RORB: variants seen among roughly 807,000 people sequenced by gnomAD.
RORB encodes nuclear receptor ROR-beta.
RORB carries 6 observed loss-of-function variants against 59.1 expected under a neutral mutation model. The ratio of observed to expected loss-of-function variants is 0.10; its 90% CI spans 0.06 to 0.20. The LOEUF (loss-of-function observed/expected upper bound fraction) is 0.20, where lower values mean the gene tolerates loss of function less well. Among genes scored for constraint, RORB ranks in the 10% least tolerant of loss-of-function variants. The probability of loss-of-function intolerance (pLI) is 1.00; values close to 1 mark genes in which losing one functional copy is unlikely to be tolerated. For missense variants in RORB, 320 were observed against 560.5 expected (o/e 0.57, Z 4.33); for synonymous variants, 215 against 204.5 (o/e 1.05, Z -0.44).
chr9:74,658,088 G>T, intron 4 of RORB, among the ~76,000 whole-genome samples: 1 of 151,760 alleles, frequency 6.6e-6, no homozygotes, highest in Middle Eastern at 3.4e-3. Context: ...CCTGATATAG[G>T]GTACCTTCTC....
At chr9:74,537,561 C>T (rs1385908726) in intron 1 of RORB, among the ~76,000 whole-genome samples, 1 of 151,942 alleles carries the variant, frequency 6.6e-6, no homozygotes, top group Admixed American at 6.6e-5. Context: ...TTTATTCATT[C>T]TGCTTCAAAA....
At chr9:74,648,962 G>C (rs1024275492) in intron 4 of RORB, among the ~76,000 whole-genome samples, 2 of 151,174 alleles carry the variant, frequency 1.3e-5, no homozygotes, top group African/African-American at 4.9e-5. Context: ...ATAAAATGAA[G>C]ATAGGTTCTT....
chr9:74,652,102 T>C (rs1824002271), intron 4 of RORB, among the ~76,000 whole-genome samples: 2 of 152,206 alleles, frequency 1.3e-5, no homozygotes, highest in Non-Finnish European at 2.9e-5. Flanking sequence ...CTTTACTCCC[T>C]GCTTTCTTAC....
intron 1 of RORB, among the ~76,000 whole-genome samples, chr9:74,513,348 A>G (rs1213391319): frequency 2.6e-5 from 4 of 152,056 alleles, no homozygotes; most frequent in Non-Finnish European, 2.9e-5. Context: ...TTTTCTTTTA[A>G]TATTTATTCT....
chr9:74,517,974 A>T (rs1826031809), intron 1 of RORB, among the ~76,000 whole-genome samples: 1 of 152,032 alleles, frequency 6.6e-6, no homozygotes, highest in South Asian at 2.1e-4. Flanking sequence ...AAAATGAAGC[A>T]CAGAGAGGTT....
intron 1 of RORB, among the ~76,000 whole-genome samples, chr9:74,618,889 T>C (rs1823360171): frequency 6.6e-6 from 1 of 152,198 alleles, no homozygotes; most frequent in South Asian, 2.1e-4. Flanking sequence ...TCCTTGGTCT[T>C]TTCAAGTATT....
At chr9:74,521,141 T>C (rs1280045934) in intron 1 of RORB, among the ~76,000 whole-genome samples, 4 of 151,948 alleles carry the variant, frequency 2.6e-5, no homozygotes, top group African/African-American at 9.7e-5. Flanking sequence ...GAAACTTTTG[T>C]TTTTATTCTG....
At chr9:74,565,128 T>C (rs964324965) in intron 1 of RORB, among the ~76,000 whole-genome samples, 1 of 152,208 alleles carries the variant, frequency 6.6e-6, no homozygotes, top group Non-Finnish European at 1.5e-5. Flanking sequence ...GTTCCTATTA[T>C]GTGTTACTTG....
intron 1 of RORB, among the ~76,000 whole-genome samples, chr9:74,512,809 A>G (rs1489632301): frequency 6.6e-6 from 1 of 152,018 alleles, no homozygotes; most frequent in East Asian, 1.9e-4. Flanking sequence ...CTCCCCCTTT[A>G]CAATAATCTC....
chr9:74,671,672 C>A, intron 8 of RORB, 117 bp from the exon 9 acceptor site: 1 of 550,428 alleles, frequency 1.8e-6, no homozygotes, highest in Non-Finnish European at 3.3e-6. Flanking sequence ...GACATGTCTT[C>A]AGAAGCAACT....
At chr9:74,585,413 C>T (rs911972627) in intron 1 of RORB, among the ~76,000 whole-genome samples, 3 of 152,200 alleles carry the variant, frequency 2.0e-5, no homozygotes, top group Non-Finnish European at 4.4e-5. Flanking sequence ...TAAAACCCCA[C>T]ACTTTTATTT....
chr9:74,613,629 G>A (rs1823266390), intron 1 of RORB, among the ~76,000 whole-genome samples: 2 of 152,112 alleles, frequency 1.3e-5, no homozygotes, highest in South Asian at 4.1e-4. Context: ...TAAGCTCTCT[G>A]GGTTATTCCA....
At chr9:74,501,610 G>A (rs766267520) in intron 1 of RORB, among the ~76,000 whole-genome samples, 3 of 152,118 alleles carry the variant, frequency 2.0e-5, no homozygotes, top group Non-Finnish European at 4.4e-5. Flanking sequence ...AAATCCTAAA[G>A]CTGTATTTCA....
intron 1 of RORB, among the ~76,000 whole-genome samples, chr9:74,599,503 A>G (rs1823022469): frequency 6.6e-6 from 1 of 152,194 alleles, no homozygotes; most frequent in Non-Finnish European, 1.5e-5. Flanking sequence ...CCGGAAGAGC[A>G]CTCAATCCCA....
At chr9:74,583,419 T>A (rs1309656142) in intron 1 of RORB, among the ~76,000 whole-genome samples, 2 of 151,938 alleles carry the variant, frequency 1.3e-5, no homozygotes, top group Non-Finnish European at 2.9e-5. Context: ...CTTTTAAGGA[T>A]GGTTTATATT....
chr9:74,548,101 A>G (rs917609384), intron 1 of RORB, among the ~76,000 whole-genome samples: 6 of 152,198 alleles, frequency 3.9e-5, no homozygotes, highest in East Asian at 1.9e-4. Context: ...AAAGCACTCA[A>G]AAAATGACTC....
chr9:74,659,295 C>T (rs186153297), intron 4 of RORB, among the ~76,000 whole-genome samples: 3 of 152,268 alleles, frequency 2.0e-5, no homozygotes, highest in Admixed American at 1.3e-4. Context: ...AGGAGACAGC[C>T]AAATGCTGCT....
chr9:74,652,329 G>A (rs1407704940), intron 4 of RORB, among the ~76,000 whole-genome samples: 1 of 152,012 alleles, frequency 6.6e-6, no homozygotes, highest in Non-Finnish European at 1.5e-5. Flanking sequence ...AATCCCTTAA[G>A]CCAGGGAAGC....
At chr9:74,585,709 C>G (rs1822787851) in intron 1 of RORB, among the ~76,000 whole-genome samples, 1 of 152,144 alleles carries the variant, frequency 6.6e-6, no homozygotes, top group African/African-American at 2.4e-5. Flanking sequence ...TATTACCACT[C>G]AATTCTAACC....
Sources: allele counts gnomAD v4.1 joint callset (sites outside exome capture counted in the v4.1 genomes callset), GRCh38; gene constraint gnomAD v4.1.1; transcripts MANE v1.5; gene names NCBI Gene and HGNC (gene_info 2026-07-23, HGNC 2026-07-21).